Variants in MFSD6 observed in about 807,000 individuals in gnomAD.
MFSD6 encodes the protein major facilitator superfamily domain-containing protein 6.
In MFSD6, 26 loss-of-function variants were observed where a neutral mutation model predicts 56.3. The observed-to-expected ratio is 0.46, with a 90% CI of 0.34 to 0.64. The LOEUF is 0.64. MFSD6 is among the 30% of genes least tolerant of loss of function. The pLI, the probability that MFSD6 is intolerant of heterozygous loss-of-function variation, is 0.01. For synonymous variants in MFSD6, 331 were observed against 366.9 expected, an observed-to-expected ratio of 0.90 and a Z score of 1.12; for missense variants, 750 against 986.2, an observed-to-expected ratio of 0.76 and a Z score of 3.21.
In MFSD6 at chr2:190,434,196, GA is replaced by G. The variant is rs1278128631; in HGVS notation, c.-53-1773del. 7.6e-6 allele frequency among the ~76,000 whole-genome samples: 1 copy of G among 131,556 alleles called. No homozygotes were observed. 86.3% of individuals were successfully genotyped at this position (131,556 alleles called of 152,430 possible). A position where few individuals can be genotyped will look rare whatever the true frequency, so the allele number is the denominator to read the frequency against. On this transcript the variant is annotated intron_variant, in intron 2 of 7. Transcript: ENST00000392328. The surrounding 1 kb of genome is among the most constrained non-coding windows in gnomAD (Gnocchi z 4.3). ...ACCCTGTCTCTCAAAAAAAAAAAAA[GA>G]AAAAAAAGAAAAGAAGGTGAAAGGA... is the stretch of plus-strand genomic sequence containing the variant.
chr2:190,429,846 CT>C (rs892998390), intron 2 of MFSD6, among the ~76,000 whole-genome samples: 5 of 151,024 alleles, frequency 3.3e-5, no homozygotes, highest in Non-Finnish European at 5.9e-5. Context: ...TGCTCTTGTT[CT>C]TTTTTTTTCT....
intron 2 of MFSD6, among the ~76,000 whole-genome samples, chr2:190,430,869 G>A (rs1359502376): frequency 1.3e-5 from 2 of 149,000 alleles, no homozygotes; most frequent in Admixed American, 6.7e-5. Context: ...CCTCCCGGAC[G>A]GGGCGGCTGC....
At chr2:190,411,161 GTTTTT>G in intron 1 of MFSD6, 3 of 768,942 alleles carry the variant, frequency 3.9e-6, no homozygotes, top group Non-Finnish European at 4.5e-6. Flanking sequence ...GTTGACAGTA[GTTTTT>G]TTTTTTTTTT....
Position 190,412,419 on chromosome 2 carries a change from A to G in MFSD6, c.-175-2873A>G. On this transcript the variant is annotated intron_variant, in intron 1 of 7. Coordinates refer to ENST00000392328, the MANE Select transcript of MFSD6 (RefSeq NM_017694.4). The surrounding 1 kb of genome is among the most constrained non-coding windows in gnomAD (Gnocchi z 4.1). The stretch of plus-strand genomic sequence containing the variant: ...GGAAATCTCCATCTTTTAATTTAGG[A>G]AACTTTGTTCAATAGGTTATCTTTA... 1.0e-6 allele frequency: 1 copy of G among 985,354 alleles called. No individual in the cohort carries two copies. 61.0% of individuals were successfully genotyped at this position (985,354 alleles called of 1,614,324 possible).
rs1368196801 is a variant in MFSD6 at position 190,426,423 on chromosome 2, T to C, written c.-53-9554T>C. ...TTTCTTTGCTGAGACTTTCTGTTTT[T>C]TTTGTTTTGTTTCAAGCATGTTTAT... On this transcript the variant is annotated intron_variant, in intron 2 of 7. Transcript: ENST00000392328. This position sits in a 1 kb window ranked among gnomAD's most constrained non-coding sequence, Gnocchi z 4.7. Among the ~76,000 whole-genome samples, 8 of 152,226 alleles carry C rather than the reference T, an allele frequency of 5.3e-5. No homozygotes were observed. The highest frequency in any genetic ancestry group is 2.9e-5 in the Non-Finnish European group (2 of 68,040).
intron 2 of MFSD6, among the ~76,000 whole-genome samples, chr2:190,429,411 C>T (rs1436634618): frequency 3.3e-5 from 5 of 151,572 alleles, no homozygotes; most frequent in African/African-American, 4.8e-5. Context: ...CTGCAACCTC[C>T]GTCTCCTGGG....
At chr2:190,411,349 G>T (rs1425761659) in intron 1 of MFSD6, 1 of 463,898 alleles carries the variant, frequency 2.2e-6, no homozygotes, top group African/African-American at 2.1e-5. Context: ...TAGTAGAGAC[G>T]GGGTTTCATC....
chr2:190,489,902 G>T lies in MFSD6; in HGVS notation c.1891+36G>T. 1 of 1,573,996 alleles carries T rather than the reference G, an allele frequency of 6.4e-7. No individual in the cohort carries two copies. The highest frequency in any genetic ancestry group is 1.4e-5 in the African/African-American group (1 of 71,156). ...CCATTCTTTCTTAATATTCCTAACA[G>T]TTCAGGCCATGGGAAGTCAACAAAT... On this transcript the variant is annotated intron_variant, in intron 6 of 7. Coordinates refer to ENST00000392328, the MANE Select transcript of MFSD6 (RefSeq NM_017694.4). The surrounding 1 kb of genome is among the most constrained non-coding windows in gnomAD (Gnocchi z 6.6).
intron 1 of MFSD6, among the ~76,000 whole-genome samples, 166 bp downstream of exon 1, chr2:190,408,669 T>G (rs1303766235): frequency 6.6e-6 from 1 of 151,164 alleles, no homozygotes; most frequent in Admixed American, 6.6e-5. Context: ...CGCCGCTGTC[T>G]CCGCTCGGGC....
Position 190,499,081 on chromosome 2 carries a change from G to A in MFSD6, c.2173-934G>A, listed in dbSNP as rs1368193749. Among the ~76,000 whole-genome samples, 2 of 152,174 alleles carry A rather than the reference G, an allele frequency of 1.3e-5. No homozygotes were observed. Among genetic ancestry groups the A allele is most frequent in the African/African-American group, 4.8e-5 (2 of 41,440 alleles). The stretch of plus-strand genomic sequence containing the variant: ...GAGAATTGCTTGAACCCAGCAGGAG[G>A]AGGTTGCAGTGAGCCAAGGTCACGC... On this transcript the variant is annotated intron_variant, in intron 7 of 7. Transcript: ENST00000392328. The surrounding 1 kb of genome is among the most constrained non-coding windows in gnomAD (Gnocchi z 6.0).
rs1687415218 is a variant in MFSD6 at position 190,463,115 on chromosome 2, G to C, written c.1533-6643G>C. ...GTTACAGCAAAACCCTATTCTGCTA[G>C]TGAGGGACACAGAAATCCTGGCAAG... is the stretch of plus-strand genomic sequence containing the variant. On this transcript the variant is annotated intron_variant, in intron 3 of 7. Coordinates refer to ENST00000392328, the MANE Select transcript of MFSD6 (RefSeq NM_017694.4). The surrounding 1 kb of genome is among the most constrained non-coding windows in gnomAD (Gnocchi z 4.4). Among the ~76,000 whole-genome samples, 1 of 152,216 alleles carries C rather than the reference G, an allele frequency of 6.6e-6. No individual in the cohort carries two copies. Among genetic ancestry groups the C allele is most frequent in the African/African-American group, 2.4e-5 (1 of 41,456 alleles).
intron 2 of MFSD6, among the ~76,000 whole-genome samples, chr2:190,422,933 G>A (rs1328958953): frequency 2.0e-5 from 3 of 150,770 alleles, no homozygotes; most frequent in Non-Finnish European, 4.4e-5. Context: ...GAATACTGTA[G>A]TTCAGTGAGT....
At chr2:190,429,994 C>G (rs985660412) in intron 2 of MFSD6, among the ~76,000 whole-genome samples, 1 of 151,168 alleles carries the variant, frequency 6.6e-6, no homozygotes, top group African/African-American at 2.4e-5. Flanking sequence ...TATCCCTCCC[C>G]CAGCTCCCCA....
At chr2:190,428,654 C>CATTTATTTATTTAT (rs1559106005) in intron 2 of MFSD6, among the ~76,000 whole-genome samples, 37 of 108,344 alleles carry the variant, frequency 3.4e-4, no homozygotes, top group Middle Eastern at 4.6e-3. Context: ...GAGATGCTTG[C>CATTTATTTATTTAT]TTATTTATTT....
At position 190,487,001 on chromosome 2, in the gene MFSD6, G is replaced by T. The variant is rs527341696; in HGVS notation, c.1631-1656G>T. 6.6e-6 allele frequency among the ~76,000 whole-genome samples: 1 copy of T among 152,126 alleles called. No individual in the cohort carries two copies. Among genetic ancestry groups the T allele is most frequent in the Non-Finnish European group, 1.5e-5 (1 of 68,030 alleles). ...CATAAATGGTGAAGATATAAAACTG[G>T]TAATGGGACATGGTAAATTGTTTCT... On this transcript the variant is annotated intron_variant, in intron 4 of 7. Coordinates refer to ENST00000392328, the MANE Select transcript of MFSD6 (RefSeq NM_017694.4). This position sits in a 1 kb window ranked among gnomAD's most constrained non-coding sequence, Gnocchi z 5.5.
At position 190,437,706 on chromosome 2, in the gene MFSD6, C is replaced by T; in HGVS notation, c.1532+145C>T. 9.7e-7 allele frequency: 1 copy of T among 1,026,990 alleles called. No homozygotes were observed. The highest frequency in any genetic ancestry group is 1.6e-5 in the African/African-American group (1 of 61,770). The allele number at this position is 1,026,990 out of a possible 1,614,324, so 63.6% of individuals were successfully genotyped here. The stretch of plus-strand genomic sequence containing the variant: ...GGAAATGGGGATTTCTGTTTCTTTT[C>T]CTCCTTAAAATAGAAACAAAGGAAA... On this transcript the variant is annotated intron_variant, in intron 3 of 7. Coordinates refer to ENST00000392328, the MANE Select transcript of MFSD6 (RefSeq NM_017694.4). This position sits in a 1 kb window ranked among gnomAD's most constrained non-coding sequence, Gnocchi z 5.9.
In MFSD6 at chr2:190,461,152, T is replaced by G. The variant is rs763124283; in HGVS notation, c.1533-8606T>G. Among the ~76,000 whole-genome samples, 3 of 152,236 alleles carry G rather than the reference T, an allele frequency of 2.0e-5. No homozygotes were observed. Among genetic ancestry groups the G allele is most frequent in the Non-Finnish European group, 4.4e-5 (3 of 68,040 alleles). On this transcript the variant is annotated intron_variant, in intron 3 of 7. Transcript: ENST00000392328. This position sits in a 1 kb window ranked among gnomAD's most constrained non-coding sequence, Gnocchi z 5.5. ...AACTTAGCTAGAATGTTGTATGGTT[T>G]TGAAGCCAAAATAGAAACCCAGACA...
At chr2:190,452,697 A>G (rs1038618600) in intron 3 of MFSD6, among the ~76,000 whole-genome samples, 11 of 152,080 alleles carry the variant, frequency 7.2e-5, no homozygotes, top group Non-Finnish European at 1.3e-4. Context: ...TCACTTTTTC[A>G]ATGGTTTCAA....
At chr2:190,481,645 ATT>A (rs1276038354) in intron 4 of MFSD6, among the ~76,000 whole-genome samples, 1 of 152,116 alleles carries the variant, frequency 6.6e-6, no homozygotes, top group Admixed American at 6.5e-5. Context: ...TATTTTGCAT[ATT>A]GTCATATTTT....
Sources: gnomAD v4.1 joint callset for allele counts (sites outside exome capture counted in the v4.1 genomes callset) on GRCh38, gnomAD v4.1.1 for gene constraint, Gnocchi (gnomAD v3.1) non-coding constraint, MANE v1.5 for transcripts, NCBI Gene and HGNC (gene_info 2026-07-23, HGNC 2026-07-21) for gene names.